The following ARL15 variants were observed in gnomAD, a reference collection of about 807,000 sequenced individuals.
The protein encoded by ARL15 is ARF like GTPase 15.
A neutral mutation model predicts 25.2 loss-of-function variants in ARL15; 19 were observed. The observed-to-expected ratio is 0.75, with a 90% CI of 0.53 to 1.10. The LOEUF is 1.10. ARL15 is among the 50% of genes least tolerant of loss of function. The pLI is 0.00. For synonymous variants in ARL15, 94 were observed against 86.8 expected (o/e 1.08, Z -0.46); for missense variants, 220 against 246.0 (o/e 0.89, Z 0.71).
intron 4 of ARL15, among the ~76,000 whole-genome samples, chr5:53,939,875 A>G (rs932404695): frequency 1.3e-5 from 2 of 152,266 alleles, no homozygotes; most frequent in African/African-American, 2.4e-5. Context: ...TCAAACAAAT[A>G]TGAACAGACG....
intron 4 of ARL15, among the ~76,000 whole-genome samples, chr5:54,038,715 T>C (rs915167174): frequency 1.3e-5 from 2 of 150,194 alleles, no homozygotes; most frequent in Admixed American, 1.3e-4. Flanking sequence ...AGACTGGTCT[T>C]ATTTGTAAAC....
intron 4 of ARL15, among the ~76,000 whole-genome samples, chr5:54,011,237 T>G (rs1359813394): frequency 6.6e-6 from 1 of 150,462 alleles, no homozygotes; most frequent in African/African-American, 2.5e-5. Flanking sequence ...TATCCAGAGT[T>G]CTATACATTA....
chr5:54,091,212 T>C (rs748089535), intron 4 of ARL15, among the ~76,000 whole-genome samples: 3 of 152,178 alleles, frequency 2.0e-5, no homozygotes, highest in Non-Finnish European at 2.9e-5. Flanking sequence ...AATTGTGCTA[T>C]TGAGAGGCGA....
intron 1 of ARL15, among the ~76,000 whole-genome samples, chr5:54,243,301 T>A (rs1323220482): frequency 6.6e-6 from 1 of 152,188 alleles, no homozygotes; most frequent in African/African-American, 2.4e-5. Flanking sequence ...CAGCCTTCTG[T>A]AAATAGATGT....
intron 1 of ARL15, among the ~76,000 whole-genome samples, chr5:54,265,246 T>C (rs560774504): frequency 2.5e-4 from 38 of 152,366 alleles, no homozygotes; most frequent in Non-Finnish European, 4.7e-4. Context: ...ACAATTGTTA[T>C]ATTTTACAAA....
intron 1 of ARL15, 48 bp downstream of exon 1, chr5:54,310,384 G>C (rs1221854072): frequency 6.3e-7 from 1 of 1,583,500 alleles, no homozygotes; most frequent in East Asian, 2.3e-5. Flanking sequence ...GGGCCATCGG[G>C]CACGCCGAGA....
chr5:54,273,030 T>A (rs560911010), intron 1 of ARL15, among the ~76,000 whole-genome samples: 1 of 152,316 alleles, frequency 6.6e-6, no homozygotes, highest in South Asian at 2.1e-4. Flanking sequence ...AACATTCTAA[T>A]CCAAATGAGA....
chr5:54,302,786 C>A (rs1369569537), intron 1 of ARL15, among the ~76,000 whole-genome samples: 2 of 137,726 alleles, frequency 1.5e-5, no homozygotes, highest in African/African-American at 5.4e-5. Flanking sequence ...GGCTGGGAAG[C>A]CAGCCCTGCT....
chr5:53,892,395 T>G (rs1320186874), intron 4 of ARL15, among the ~76,000 whole-genome samples: 2 of 152,026 alleles, frequency 1.3e-5, no homozygotes, highest in Non-Finnish European at 2.9e-5. Context: ...AGTGCAACTG[T>G]GGGATGTGAC....
chr5:54,133,104 A>G (rs972462311), intron 3 of ARL15, among the ~76,000 whole-genome samples: 2 of 152,202 alleles, frequency 1.3e-5, no homozygotes, highest in African/African-American at 2.4e-5. Flanking sequence ...TTCTGTTTTT[A>G]ATATCTAATC....
At chr5:54,089,659 T>C (rs1354083868) in intron 4 of ARL15, among the ~76,000 whole-genome samples, 2 of 152,152 alleles carry the variant, frequency 1.3e-5, no homozygotes, top group African/African-American at 2.4e-5. Flanking sequence ...CAGGAACACT[T>C]TCTGTCACCA....
intron 4 of ARL15, among the ~76,000 whole-genome samples, chr5:53,993,766 A>G (rs1561180486): frequency 6.6e-6 from 1 of 152,208 alleles, no homozygotes; most frequent in African/African-American, 2.4e-5. Context: ...CATCATGATT[A>G]GTTAGAGTCA....
chr5:54,064,710 A>G (rs1351809101), intron 4 of ARL15, among the ~76,000 whole-genome samples: 2 of 144,942 alleles, frequency 1.4e-5, no homozygotes, highest in Non-Finnish European at 3.0e-5. Flanking sequence ...AGGTTTTATG[A>G]GCACTAAAAA....
chr5:54,257,963 T>C (rs1374684786), intron 1 of ARL15, among the ~76,000 whole-genome samples: 3 of 152,126 alleles, frequency 2.0e-5, no homozygotes, highest in Admixed American at 2.0e-4. Context: ...GGAACTGTTC[T>C]GTAGACACTG....
chr5:54,003,028 G>T (rs1035049294), intron 4 of ARL15, among the ~76,000 whole-genome samples: 3 of 152,196 alleles, frequency 2.0e-5, no homozygotes, highest in Non-Finnish European at 2.9e-5. Flanking sequence ...AATGGAAAAA[G>T]CCCCTGCTTT....
chr5:54,182,656 T>C (rs1392570144), intron 1 of ARL15, among the ~76,000 whole-genome samples: 1 of 150,886 alleles, frequency 6.6e-6, no homozygotes, highest in Non-Finnish European at 1.5e-5. Context: ...CCATATGAAC[T>C]TTAAAGTAGT....
chr5:54,056,324 C>CG lies in ARL15; in HGVS notation c.462+56877dup, dbSNP rs564389300. On this transcript the variant is annotated intron_variant, in intron 4 of 4. Transcript: ENST00000504924. ...ACTAACAGAAGGGTCGGGGAAGGGG[C>CG]GGGGACCTTTAAGCAGTCTGATTCA... Among the ~76,000 whole-genome samples, 21 of 151,986 alleles carry CG rather than the reference C, an allele frequency of 1.4e-4. No individual in the cohort carries two copies. In the South Asian group the frequency reaches 4.2e-3, roughly 30 times the overall value.
chr5:54,242,849 C>A (rs1756995979), intron 1 of ARL15, among the ~76,000 whole-genome samples: 1 of 152,120 alleles, frequency 6.6e-6, no homozygotes, highest in Non-Finnish European at 1.5e-5. Flanking sequence ...GAACACACCT[C>A]CTTAGAGCAT....
At chr5:54,300,245 A>G (rs1221513315) in intron 1 of ARL15, among the ~76,000 whole-genome samples, 1 of 152,220 alleles carries the variant, frequency 6.6e-6, no homozygotes, top group East Asian at 1.9e-4. Flanking sequence ...GGTAGAAAAG[A>G]CCAGGCAGTT....
Sources: allele counts gnomAD v4.1 joint callset (sites outside exome capture counted in the v4.1 genomes callset), GRCh38; gene constraint gnomAD v4.1.1; transcripts MANE v1.5; gene names NCBI Gene and HGNC (gene_info 2026-07-23, HGNC 2026-07-21).